The following ABHD5 variants were observed in gnomAD, a reference collection of about 807,000 sequenced individuals.
ABHD5 encodes abhydrolase domain containing 5, lysophosphatidic acid acyltransferase.
ABHD5 carries 30 observed loss-of-function variants against 44.9 expected under a neutral mutation model. The ratio of observed to expected loss-of-function variants is 0.67; its 90% CI spans 0.50 to 0.91. The LOEUF (loss-of-function observed/expected upper bound fraction) is 0.91. ABHD5 is among the 40% of genes least tolerant of loss of function. The pLI is 0.00. For missense variants in ABHD5, 399 were observed against 423.4 expected, an observed-to-expected ratio of 0.94 and a Z score of 0.50; for synonymous variants, 167 against 147.0, an observed-to-expected ratio of 1.14 and a Z score of -0.99.
rs372312565 is a variant in ABHD5, at chr3:43,690,996, G to T, written c.4G>T (p.Ala2Ser). 1 of 1,572,910 alleles carries T rather than the reference G, an allele frequency of 6.4e-7. No homozygotes were observed. Among genetic ancestry groups the T allele is most frequent in the South Asian group, 1.1e-5 (1 of 87,184 alleles). The change falls in exon 1 of 7, where the codon GCG (alanine) becomes TCG (serine). Residue 2 changes from alanine (A) to serine (S), a missense_variant. By Grantham distance (99) the Ala-to-Ser change is moderately conservative (BLOSUM62 1). Coordinates refer to ENST00000644371, the MANE Select transcript of ABHD5 (RefSeq NM_016006.6). ...CGGCGCTTGCGCGGCGGCGGCTATG[G>T]CGGCGGAGGAGGAGGAGGTGGACTC... is the stretch of plus-strand genomic sequence containing the variant. M[A>S]AEEEEVDSAD...
At position 43,719,313 on chromosome 3, in the gene ABHD5, T is replaced by C. The variant is rs757493547; in HGVS notation, c.*781T>C. The C allele has an allele frequency of 2.0e-5, 3 of 152,234 alleles. No homozygotes were observed. Among genetic ancestry groups the C allele is most frequent in the Non-Finnish European group, 4.4e-5 (3 of 68,044 alleles). 9.4% of individuals were successfully genotyped at this position (152,234 alleles called of 1,614,324 possible). Reference sequence around the variant, plus strand: ...AAAGCCTTACCTAAAAGGCTGTTCTTTGTTTCCCCCTTTCATACTATTCTT... The same window carrying C: ...AAAGCCTTACCTAAAAGGCTGTTCTCTGTTTCCCCCTTTCATACTATTCTT... On this transcript the variant is annotated 3_prime_UTR_variant, in exon 7 of 7. Coordinates refer to ENST00000644371, the MANE Select transcript of ABHD5 (RefSeq NM_016006.6).
intron 7 of ABHD5, among the ~76,000 whole-genome samples, chr3:43,732,554 A>G (rs1697257986): frequency 6.6e-6 from 1 of 152,248 alleles, no homozygotes; most frequent in South Asian, 2.1e-4. Flanking sequence ...GTAAAATGCA[A>G]GCTTAAAGTC....
exon 8 of ABHD5, chr3:43,734,288 C>T (rs1210581025): frequency 6.6e-6 from 1 of 152,178 alleles, no homozygotes; most frequent in Non-Finnish European, 1.5e-5. Context: ...CCAGGTGGGA[C>T]CCAGTCTGTG....
chr3:43,725,285 G>A (rs148016720), downstream of ABHD5, among the ~76,000 whole-genome samples: 382 of 152,216 alleles, frequency 2.5e-3, no homozygotes, highest in Middle Eastern at 6.8e-3. Context: ...CCTCTCTCTT[G>A]CCATCTCATG....
rs1039844841 is a variant in ABHD5, at chr3:43,717,599, G to A, written c.774-72G>A. 5 of 1,489,848 alleles carry A rather than the reference G, an allele frequency of 3.4e-6. No individual in the cohort carries two copies. The Admixed American group carries it at 6.7e-5, about 20-fold the overall frequency. The allele number at this position is 1,489,848 out of a possible 1,614,324, so 92.3% of individuals were successfully genotyped here. A position where few individuals can be genotyped will look rare whatever the true frequency, so the allele number is the denominator to read the frequency against. ...GAAAAGCTAAATATGAATGTGTTTT[G>A]ATAGAAGTGACAGTGCAATGCATAC... On this transcript the variant is annotated intron_variant, in intron 5 of 6. Coordinates refer to ENST00000644371, the MANE Select transcript of ABHD5 (RefSeq NM_016006.6).
rs997446318 is a variant in ABHD5, at chr3:43,718,788, T to A, written c.*256T>A. 5 of 417,984 alleles carry A rather than the reference T, an allele frequency of 1.2e-5. No homozygotes were observed. The highest frequency in any genetic ancestry group is 2.2e-5 in the Non-Finnish European group (5 of 229,660). The allele number at this position is 417,984 out of a possible 1,614,324, so 25.9% of individuals were successfully genotyped here. A position where few individuals can be genotyped will look rare whatever the true frequency, so the allele number is the denominator to read the frequency against. The stretch of plus-strand genomic sequence containing the variant: ...TATAATACCTTTAAATAAAAGGTTA[T>A]TTGTCCCTCTGATGTACTGAAAAAC... On this transcript the variant is annotated 3_prime_UTR_variant, in exon 7 of 7. Coordinates refer to ENST00000644371, the MANE Select transcript of ABHD5 (RefSeq NM_016006.6).
intron 3 of ABHD5, among the ~76,000 whole-genome samples, chr3:43,708,946 T>C (rs2084655140): frequency 1.3e-5 from 2 of 152,244 alleles, no homozygotes; most frequent in African/African-American, 4.8e-5. Flanking sequence ...AGTATAATTT[T>C]ATTTTAAAAA....
At chr3:43,699,248 A>G (rs745721115) in intron 1 of ABHD5, 28 bp from the exon 2 acceptor site, 2 of 1,587,128 alleles carry the variant, frequency 1.3e-6, no homozygotes, top group East Asian at 2.2e-5. Context: ...GAACTCACCT[A>G]TTTGTTATTT....
At chr3:43,711,452 C>T (rs551353908) in intron 3 of ABHD5, among the ~76,000 whole-genome samples, 3 of 152,120 alleles carry the variant, frequency 2.0e-5, no homozygotes, top group Non-Finnish European at 4.4e-5. Flanking sequence ...CAGTTCTGTA[C>T]TCTATATATC....
At chr3:43,732,249 G>C (rs1450264465) in intron 7 of ABHD5, among the ~76,000 whole-genome samples, 1 of 152,096 alleles carries the variant, frequency 6.6e-6, no homozygotes, top group Non-Finnish European at 1.5e-5. Context: ...TGGCCAACAT[G>C]ATGAAACCTT....
At chr3:43,699,455 G>A (rs1024910321) in intron 2 of ABHD5, 94 bp downstream of exon 2, 8 of 1,187,350 alleles carry the variant, frequency 6.7e-6, no homozygotes, top group African/African-American at 1.5e-5. Flanking sequence ...ATTCTGTGGT[G>A]TGTTCATTGT....
rs1301626037 is a variant in ABHD5, at chr3:43,718,543, GCT to G, written c.*14_*15del. ...GACACTGTGGACTGAACACACTGAA[GCT>G]CTGATGGGAAAACCTGGTGACTGAT... On this transcript the variant is annotated 3_prime_UTR_variant, in exon 7 of 7. Coordinates refer to ENST00000644371, the MANE Select transcript of ABHD5 (RefSeq NM_016006.6). 1 of 1,612,930 alleles carries G rather than the reference GCT, an allele frequency of 6.2e-7. No homozygotes were observed. The highest frequency in any genetic ancestry group is 2.2e-5 in the East Asian group (1 of 44,840).
At chr3:43,733,074 G>A (rs1248703928) in intron 7 of ABHD5, among the ~76,000 whole-genome samples, 1 of 152,200 alleles carries the variant, frequency 6.6e-6, no homozygotes, top group African/African-American at 2.4e-5. Flanking sequence ...TTACAACCTT[G>A]TGCAGTGTAA....
downstream of ABHD5, among the ~76,000 whole-genome samples, chr3:43,724,101 T>C (rs956097937): frequency 6.6e-6 from 1 of 152,136 alleles, no homozygotes; most frequent in African/African-American, 2.4e-5. Context: ...TTATGTACGG[T>C]CTATGCTATT....
In ABHD5 at chr3:43,732,379, G is replaced by A. The variant is rs114027247; in HGVS notation, c.*30-1501G>A. Among the ~76,000 whole-genome samples, 635 of 152,162 alleles carry A rather than the reference G, an allele frequency of 4.2e-3. 5 individuals carry two copies. Among genetic ancestry groups the A allele is most frequent in the African/African-American group, 0.014 (593 of 41,514 alleles). On this transcript the variant is annotated intron_variant, in intron 7 of 7. Coordinates refer to the ABHD5 transcript ENST00000454293. ...TGGGAGTTGGAGGTTGCAGTGAAAC[G>A]AGATTGCACCACTGCACTCCAGCCT... is the stretch of plus-strand genomic sequence containing the variant.
intron 3 of ABHD5, among the ~76,000 whole-genome samples, chr3:43,705,438 T>A (rs959175397): frequency 3.3e-5 from 5 of 152,226 alleles, no homozygotes; most frequent in African/African-American, 9.6e-5. Context: ...TTAGTGAGAA[T>A]GTTTCTTCTA....
chr3:43,707,020 A>G (rs2084629289), intron 3 of ABHD5, among the ~76,000 whole-genome samples: 1 of 152,192 alleles, frequency 6.6e-6, no homozygotes, highest in Non-Finnish European at 1.5e-5. Flanking sequence ...CACTTGTTTA[A>G]GAAGGATTCT....
intron 7 of ABHD5, among the ~76,000 whole-genome samples, chr3:43,732,706 T>C (rs1020302205): frequency 2.0e-5 from 3 of 152,234 alleles, no homozygotes; most frequent in Admixed American, 6.5e-5. Flanking sequence ...CACACATTTA[T>C]AATCTCATGG....
chr3:43,690,952 C>T lies in ABHD5; in HGVS notation c.-41C>T, dbSNP rs1575595738. The T allele has an allele frequency of 1.9e-6, 3 of 1,547,744 alleles. No individual in the cohort carries two copies. Among genetic ancestry groups the T allele is most frequent in the African/African-American group, 1.4e-5 (1 of 70,460 alleles). On this transcript the variant is annotated 5_prime_UTR_variant, in exon 1 of 7. Transcript: ENST00000644371. ...CGGGGCGGCCCAGTCGGCCTGTCAG[C>T]CGGCTTCGAGATAAGTCCCGGCGCT...
Sources: allele counts gnomAD v4.1 joint callset (sites outside exome capture counted in the v4.1 genomes callset), GRCh38; gene constraint gnomAD v4.1.1; transcripts MANE v1.5; gene names NCBI Gene and HGNC (gene_info 2026-07-23, HGNC 2026-07-21).